Variants in MRTFA observed in about 807,000 individuals in gnomAD.
MRTFA encodes myocardin-related transcription factor A.
A neutral mutation model predicts 83.5 loss-of-function variants in MRTFA; 20 were observed. That is an observed-to-expected ratio of 0.24 (90% CI 0.17 to 0.35). The LOEUF is 0.35. Among genes scored for constraint, MRTFA ranks in the 10% least tolerant of loss-of-function variants. MRTFA has a pLI of 1.00. For missense variants in MRTFA, 1,200 were observed against 1,224.7 expected (o/e 0.98, Z 0.30); for synonymous variants, 659 against 541.2 (o/e 1.22, Z -3.02).
intron 1 of MRTFA, among the ~76,000 whole-genome samples, chr22:40,608,409 A>T (rs2056344669): frequency 6.6e-6 from 1 of 152,178 alleles, no homozygotes; most frequent in Admixed American, 6.5e-5. Context: ...CTGATTAGTG[A>T]CAGATGAAAA....
At chr22:40,613,355 C>T (rs890843812) in intron 1 of MRTFA, among the ~76,000 whole-genome samples, 1 of 152,118 alleles carries the variant, frequency 6.6e-6, no homozygotes, top group African/African-American at 2.4e-5. Flanking sequence ...TAACAAACAC[C>T]TAAGAGTAGT....
chr22:40,566,978 ATG>A (rs1173942262), intron 2 of MRTFA, among the ~76,000 whole-genome samples: 7 of 152,182 alleles, frequency 4.6e-5, no homozygotes, highest in Non-Finnish European at 1.0e-4. Flanking sequence ...AAATGTAATA[ATG>A]TTGTTTTGAC....
intron 4 of MRTFA, among the ~76,000 whole-genome samples, chr22:40,459,830 C>CATATATATATATATATATATATATATAT (rs55885079): frequency 2.3e-5 from 2 of 86,948 alleles, no homozygotes; most frequent in Admixed American, 1.3e-4. Flanking sequence ...CACATATATA[C>CATATATATATATATATATATATATATAT]ATATATATAT....
Position 40,460,018 on chromosome 22 carries a change from C to A in MRTFA, c.307+3203G>T, listed in dbSNP as rs866548353. Among the ~76,000 whole-genome samples the A allele has an allele frequency of 1.5e-4, 23 of 151,692 alleles. 2 individuals are homozygous for A. The South Asian group carries it at 3.5e-3, about 23-fold the overall frequency. ...AGTGCGGTGGTGCAAACTCGGCTTG[C>A]TGCAGCCTCCGCCTCCCAGGTTCAA... On this transcript the variant is annotated intron_variant, in intron 4 of 14. Transcript: ENST00000355630.
rs1189825067 is a variant in MRTFA at position 40,500,391 on chromosome 22, AT to A, written c.242-37106del. Among the ~76,000 whole-genome samples the A allele has an allele frequency of 1.7e-3, 171 of 97,906 alleles. 3 individuals carry two copies. The highest frequency in any genetic ancestry group is 4.6e-3 in the African/African-American group (116 of 25,492). 64.2% of individuals were successfully genotyped at this position (97,906 alleles called of 152,430 possible). On this transcript the variant is annotated intron_variant, in intron 3 of 14. Coordinates refer to ENST00000355630, the MANE Select transcript of MRTFA (RefSeq NM_020831.6). ...CATTTTTTATTTTTTTTATATTTTTATTTTTTTTAATTTATTTTTTTATTGA... is the reference window on the plus strand; with the variant it reads ...CATTTTTTATTTTTTTTATATTTTTATTTTTTTAATTTATTTTTTTATTGA...
intron 3 of MRTFA, among the ~76,000 whole-genome samples, chr22:40,490,454 C>T (rs1301711934): frequency 6.6e-6 from 1 of 152,038 alleles, no homozygotes; most frequent in African/African-American, 2.4e-5. Context: ...AAAAAACTAC[C>T]TGGGCATGGT....
At chr22:40,561,906 T>C (rs1370487457) in intron 2 of MRTFA, among the ~76,000 whole-genome samples, 2 of 152,248 alleles carry the variant, frequency 1.3e-5, no homozygotes, top group East Asian at 1.9e-4. Context: ...TGGCAGCTTC[T>C]ACTTTGGTCT....
chr22:40,480,887 T>A, intron 3 of MRTFA, among the ~76,000 whole-genome samples: 1 of 151,916 alleles, frequency 6.6e-6, no homozygotes. Context: ...TATCTGGGAT[T>A]ACAGGCATGA....
intron 3 of MRTFA, among the ~76,000 whole-genome samples, chr22:40,514,030 T>C (rs2054714541): frequency 6.6e-6 from 1 of 151,960 alleles, no homozygotes; most frequent in Non-Finnish European, 1.5e-5. Context: ...GGCAGGCAGA[T>C]CACCTGAGTG....
At chr22:40,634,596 G>A (rs1358506564) in intron 1 of MRTFA, among the ~76,000 whole-genome samples, 1 of 152,158 alleles carries the variant, frequency 6.6e-6, no homozygotes, top group Non-Finnish European at 1.5e-5. Flanking sequence ...TCTCCCACTA[G>A]ACTGTGAGCT....
rs144468267 is a variant in MRTFA, at chr22:40,467,000, T to C, written c.242-3714A>G. ...ATATATATATATTTATACACACACA[T>C]ATACAGCTCCAGTACAAAGACGAAA... is the stretch of plus-strand genomic sequence containing the variant. On this transcript the variant is annotated intron_variant, in intron 3 of 14. Coordinates refer to ENST00000355630, the MANE Select transcript of MRTFA (RefSeq NM_020831.6). Among the ~76,000 whole-genome samples the C allele has an allele frequency of 9.4e-3, 1,431 of 152,106 alleles. 15 individuals are homozygous for C. The highest frequency in any genetic ancestry group is 0.023 in the South Asian group (113 of 4,824).
At chr22:40,464,322 A>AAC (rs2053775854) in intron 3 of MRTFA, among the ~76,000 whole-genome samples, 1 of 150,750 alleles carries the variant, frequency 6.6e-6, no homozygotes, top group African/African-American at 2.4e-5. Flanking sequence ...AAAAAAAAAA[A>AAC]AAAAAAAAAA....
intron 3 of MRTFA, among the ~76,000 whole-genome samples, chr22:40,538,451 G>A (rs1444512694): frequency 6.6e-6 from 1 of 150,652 alleles, no homozygotes; most frequent in Non-Finnish European, 1.5e-5. Context: ...AGGGTCCTCT[G>A]CCTAGGAAAA....
At chr22:40,479,451 T>G (rs1014722201) in intron 3 of MRTFA, among the ~76,000 whole-genome samples, 1 of 152,114 alleles carries the variant, frequency 6.6e-6, no homozygotes, top group Non-Finnish European at 1.5e-5. Flanking sequence ...GTCCCCTCTT[T>G]CTCACGAGAG....
chr22:40,494,203 A>T (rs1228214282), intron 3 of MRTFA, among the ~76,000 whole-genome samples: 1 of 152,204 alleles, frequency 6.6e-6, no homozygotes, highest in Admixed American at 6.5e-5. Context: ...AATAAAAATA[A>T]ACTCAAATGC....
chr22:40,422,899 G>A (rs1302682056), intron 9 of MRTFA, among the ~76,000 whole-genome samples: 1 of 152,238 alleles, frequency 6.6e-6, no homozygotes. Flanking sequence ...CACAAAGGGT[G>A]CAGGTGGAGC....
At chr22:40,604,258 G>A (rs2056292884) in intron 1 of MRTFA, among the ~76,000 whole-genome samples, 2 of 151,662 alleles carry the variant, frequency 1.3e-5, no homozygotes, top group Admixed American at 6.6e-5. Context: ...AGCCTCCTGA[G>A]TAGCTGGGAC....
chr22:40,428,284 T>C (rs2052996317), intron 7 of MRTFA, among the ~76,000 whole-genome samples: 1 of 152,178 alleles, frequency 6.6e-6, no homozygotes, highest in Non-Finnish European at 1.5e-5. Flanking sequence ...AGACGCTATC[T>C]GCAGGTAAAT....
chr22:40,536,615 T>C (rs2147285392), intron 3 of MRTFA, among the ~76,000 whole-genome samples: 1 of 76,648 alleles, frequency 1.3e-5, no homozygotes, highest in East Asian at 4.1e-4. Context: ...GTCTGGAAAG[T>C]GAGGAGCGTC....
Sources: allele counts gnomAD v4.1 joint callset (sites outside exome capture counted in the v4.1 genomes callset), GRCh38; gene constraint gnomAD v4.1.1; transcripts MANE v1.5; gene names NCBI Gene and HGNC (gene_info 2026-07-23, HGNC 2026-07-21).